ZBTB20: variants seen among roughly 807,000 people sequenced by gnomAD.
ZBTB20 encodes zinc finger and BTB domain containing 20.
In ZBTB20, 9 loss-of-function variants were observed where a neutral mutation model predicts 56.9. The observed-to-expected ratio is 0.16, with a 90% confidence interval of 0.10 to 0.28. ZBTB20 has a LOEUF of 0.28. Ranked by LOEUF, ZBTB20 falls within the 10% of genes least tolerant of loss-of-function variation. ZBTB20 has a pLI of 1.00. For missense variants in ZBTB20, 655 were observed against 1,003.0 expected (o/e 0.65, Z 4.69); for synonymous variants, 417 against 420.7 (o/e 0.99, Z 0.11).
At position 114,906,894 on chromosome 3, in the gene ZBTB20, AT is replaced by A. The variant is rs200010941; in HGVS notation, c.-455-6553del. 8.0e-3 allele frequency among the ~76,000 whole-genome samples: 1,222 copies of A among 151,926 alleles called. 9 individuals carry two copies. Among genetic ancestry groups the A allele is most frequent in the Non-Finnish European group, 9.1e-3 (614 of 67,806 alleles). On this transcript the variant is annotated intron_variant, in intron 3 of 11. Coordinates refer to ENST00000675478, the MANE Select transcript of ZBTB20 (RefSeq NM_001348800.3). ...TCACAGCAGTTAGAAATGGAAAAAGATTTCAACATGATACAAAAACTGCCAA... is the reference window on the plus strand; with the variant it reads ...TCACAGCAGTTAGAAATGGAAAAAGATTCAACATGATACAAAAACTGCCAA...
chr3:114,733,391 G>T (rs2065902324), intron 5 of ZBTB20, among the ~76,000 whole-genome samples: 2 of 152,154 alleles, frequency 1.3e-5, no homozygotes, highest in African/African-American at 4.8e-5. Flanking sequence ...AGTTCCGGTT[G>T]CTCTAATGTG....
intron 4 of ZBTB20, among the ~76,000 whole-genome samples, chr3:114,823,589 C>T (rs1402771891): frequency 6.6e-6 from 1 of 151,934 alleles, no homozygotes; most frequent in Non-Finnish European, 1.5e-5. Flanking sequence ...TATGCTAAAG[C>T]ACACTATAGA....
intron 6 of ZBTB20, among the ~76,000 whole-genome samples, chr3:114,587,591 T>C (rs949746001): frequency 1.3e-5 from 2 of 152,240 alleles, no homozygotes; most frequent in African/African-American, 4.8e-5. Context: ...CTATGGCATA[T>C]GCATGCTCAA....
At chr3:114,770,222 T>C (rs2069101648) in intron 5 of ZBTB20, among the ~76,000 whole-genome samples, 1 of 151,908 alleles carries the variant, frequency 6.6e-6, no homozygotes. Context: ...ATAGATCACC[T>C]GAGGTCAGGA....
At chr3:114,564,063 AT>A (rs761541692) in intron 6 of ZBTB20, among the ~76,000 whole-genome samples, 76 of 152,188 alleles carry the variant, frequency 5.0e-4, no homozygotes, top group Non-Finnish European at 2.6e-4. Context: ...GGCCACCTGT[AT>A]TCATTGGCTC....
At chr3:114,517,473 T>C (rs1436622381) in intron 6 of ZBTB20, among the ~76,000 whole-genome samples, 2 of 152,102 alleles carry the variant, frequency 1.3e-5, no homozygotes, top group Admixed American at 6.6e-5. Context: ...TGAGGTCTCA[T>C]ACTAGAGGCA....
chr3:114,414,747 A>G (rs1160321580), intron 7 of ZBTB20, among the ~76,000 whole-genome samples: 1 of 147,878 alleles, frequency 6.8e-6, no homozygotes, highest in Non-Finnish European at 1.5e-5. Flanking sequence ...ATTATAAAAT[A>G]TATAAAATAT....
chr3:114,874,854 ACT>A (rs1277177758), intron 4 of ZBTB20, among the ~76,000 whole-genome samples: 2 of 152,088 alleles, frequency 1.3e-5, no homozygotes, highest in Non-Finnish European at 2.9e-5. Context: ...GCTATACAAT[ACT>A]CTGTTTCCTT....
intron 6 of ZBTB20, among the ~76,000 whole-genome samples, chr3:114,582,890 C>T (rs188616270): frequency 6.6e-6 from 1 of 152,304 alleles, no homozygotes; most frequent in Admixed American, 6.5e-5. Flanking sequence ...TCATTCACTT[C>T]TTGACTGACT....
At chr3:115,140,524 T>C (rs1301292290) in intron 1 of ZBTB20, among the ~76,000 whole-genome samples, 1 of 151,982 alleles carries the variant, frequency 6.6e-6, no homozygotes, top group Non-Finnish European at 1.5e-5. Flanking sequence ...ACTGAAAATG[T>C]GTGTGAGTGC....
Position 114,339,159 on chromosome 3 carries a change from G to C in ZBTB20, c.2072C>G (p.Pro691Arg). ...VALHSASNGTPPAGTPPGARA... is the reference protein window; with the variant it reads ...VALHSASNGTRPAGTPPGARA... ...GGCACCTGGGGGTGTGCCTGCAGGG[G>C]GGGTCCCATTGCTGGCACTGTGCAG... The change falls in exon 12 of 12, where the codon CCC (proline) becomes CGC (arginine). Residue 691 changes from proline (P) to arginine (R), a missense_variant. Pro to Arg is a moderately radical substitution (Grantham distance 103). This residue lies in a region of ZBTB20 where 89 missense variants were observed against 79.7 expected (regional missense o/e 1.12). Transcript: ENST00000675478. The surrounding 1 kb of genome is among the most constrained non-coding windows in gnomAD (Gnocchi z 4.2). 6.2e-7 allele frequency: 1 copy of C among 1,614,102 alleles called. No individual in the cohort carries two copies. The highest frequency in any genetic ancestry group is 1.1e-5 in the South Asian group (1 of 91,086).
intron 6 of ZBTB20, among the ~76,000 whole-genome samples, chr3:114,582,472 C>T (rs2054745223): frequency 6.6e-6 from 1 of 151,928 alleles, no homozygotes. Context: ...ACAACCTCCG[C>T]CTCCTGGGTA....
intron 2 of ZBTB20, among the ~76,000 whole-genome samples, chr3:115,016,988 T>A (rs2079991588): frequency 6.6e-6 from 1 of 151,496 alleles, no homozygotes; most frequent in Non-Finnish European, 1.5e-5. Context: ...AAGGATGCCC[T>A]CTCTCACCAC....
At chr3:115,123,034 C>G (rs1368958117) in intron 1 of ZBTB20, among the ~76,000 whole-genome samples, 2 of 152,082 alleles carry the variant, frequency 1.3e-5, no homozygotes. Flanking sequence ...AATTATTGCT[C>G]TTTTTTTCAA....
At chr3:114,368,472 A>G (rs1192003591) in intron 10 of ZBTB20, among the ~76,000 whole-genome samples, 1 of 152,220 alleles carries the variant, frequency 6.6e-6, no homozygotes, top group African/African-American at 2.4e-5. Context: ...GGATGTTCAC[A>G]GGGACCTCTC....
At chr3:114,552,831 G>T (rs1379668154) in intron 6 of ZBTB20, among the ~76,000 whole-genome samples, 1 of 152,196 alleles carries the variant, frequency 6.6e-6, no homozygotes, top group African/African-American at 2.4e-5. Flanking sequence ...CATGACAAAG[G>T]TGGAAGCTTC....
At chr3:114,829,989 C>T (rs2073758123) in intron 4 of ZBTB20, among the ~76,000 whole-genome samples, 1 of 151,838 alleles carries the variant, frequency 6.6e-6, no homozygotes, top group Non-Finnish European at 1.5e-5. Context: ...CAATGATCCT[C>T]GATACAGTCT....
At chr3:114,787,148 A>T (rs537569102) in intron 5 of ZBTB20, among the ~76,000 whole-genome samples, 17 of 150,788 alleles carry the variant, frequency 1.1e-4, no homozygotes, top group South Asian at 8.4e-4. Context: ...TCAATTAAAA[A>T]TTTTTTTTCC....
At chr3:114,970,806 C>T (rs1232779641) in intron 3 of ZBTB20, among the ~76,000 whole-genome samples, 5 of 152,064 alleles carry the variant, frequency 3.3e-5, no homozygotes, top group African/African-American at 1.2e-4. Flanking sequence ...ACGAGGTCAG[C>T]AGATCGAGAC....
Sources: gnomAD v4.1 joint callset for allele counts (sites outside exome capture counted in the v4.1 genomes callset) on GRCh38, gnomAD v4.1.1 for gene constraint, gnomAD v4.1.1 regional missense constraint, Gnocchi (gnomAD v3.1) non-coding constraint, MANE v1.5 for transcripts, NCBI Gene and HGNC (gene_info 2026-07-23, HGNC 2026-07-21) for gene names.